The following SMIM38 variants were observed in gnomAD, a reference collection of about 807,000 sequenced individuals.
The protein encoded by SMIM38 is small integral membrane protein 38.
rs559913564 is a variant in SMIM38 at position 69,157,432 on chromosome 11, C to T, written c.-415C>T. On this transcript the variant is annotated 5_prime_UTR_variant, in exon 2 of 3. Coordinates refer to ENST00000686237, the MANE Select transcript of SMIM38 (RefSeq NM_001369201.2). ...CGGGGATGTTTGCAGATTACGTCAG[C>T]GCTGGCGAGCAGGGGGCGCGGGGAC... The T allele has an allele frequency of 3.5e-4, 56 of 159,732 alleles. No individual in the cohort carries two copies. In the South Asian group the frequency reaches 0.01, roughly 30 times the overall value. The allele number at this position is 159,732 out of a possible 1,614,324, so 9.9% of individuals were successfully genotyped here.
In SMIM38 at chr11:69,159,783, G is replaced by A. The variant is rs1298892730; in HGVS notation, c.*1687G>A. The stretch of plus-strand genomic sequence containing the variant: ...TCTCGCCTGATCGTAGGATTGTGGG[G>A]AGGGATATTCTCATTGATCTCTAAG... On this transcript the variant is annotated 3_prime_UTR_variant, in exon 3 of 3. Transcript: ENST00000686237. 3 of 152,178 alleles carry A rather than the reference G, an allele frequency of 2.0e-5. No homozygotes were observed. Among genetic ancestry groups the A allele is most frequent in the Non-Finnish European group, 4.4e-5 (3 of 68,040 alleles). 9.4% of individuals were successfully genotyped at this position (152,178 alleles called of 1,614,324 possible).
Position 69,159,245 on chromosome 11 carries a change from C to A in SMIM38, c.*1243C>A. On this transcript the variant is annotated 3_prime_UTR_variant, in exon 2 of 3. Transcript: ENST00000686237. ...AAGAGCAGGAGCTTAGATGGTGGTT[C>A]CAGGGCTGGTGTTGCTGACTGGGAC... 6.6e-6 allele frequency: 1 copy of A among 152,274 alleles called. No individual in the cohort carries two copies. Among genetic ancestry groups the A allele is most frequent in the Non-Finnish European group, 1.5e-5 (1 of 68,152 alleles). 9.4% of individuals were successfully genotyped at this position (152,274 alleles called of 1,614,324 possible).
rs1857008908 is a variant in SMIM38 at position 69,157,863 on chromosome 11, G to C, written c.17G>C (p.Gly6Ala). 1.0e-5 allele frequency: 4 copies of C among 398,780 alleles called. No homozygotes were observed. Among genetic ancestry groups the C allele is most frequent in the Non-Finnish European group, 1.8e-5 (4 of 226,286 alleles). 24.7% of individuals were successfully genotyped at this position (398,780 alleles called of 1,614,324 possible). The change falls in exon 2 of 3, where the codon GGT (glycine) becomes GCT (alanine). Residue 6 changes from glycine to alanine, a missense_variant. Coordinates refer to ENST00000686237, the MANE Select transcript of SMIM38 (RefSeq NM_001369201.2). MTSWP[G>A]GSFGPDPLLA... ...ACTTCAGGCATGACCTCCTGGCCAG[G>C]TGGCAGCTTTGGCCCTGACCCGCTC...
Position 69,158,187 on chromosome 11 carries a change from A to G in SMIM38, c.*185A>G, listed in dbSNP as rs1286948386. The G allele has an allele frequency of 2.5e-6, 1 of 392,666 alleles. No individual in the cohort carries two copies. Among genetic ancestry groups the G allele is most frequent in the African/African-American group, 2.1e-5 (1 of 48,642 alleles). 24.3% of individuals were successfully genotyped at this position (392,666 alleles called of 1,614,324 possible). Reference sequence around the variant, plus strand: ...CTGACCAGGGCTGTCCCGTAGAGGCAGCTGGCCATGTGGGGAGATGGAGGG... The same window carrying G: ...CTGACCAGGGCTGTCCCGTAGAGGCGGCTGGCCATGTGGGGAGATGGAGGG... On this transcript the variant is annotated 3_prime_UTR_variant, in exon 2 of 3. Transcript: ENST00000686237.
In SMIM38 at chr11:69,160,388, A is replaced by G. The variant is rs1218232822; in HGVS notation, c.*2292A>G. The G allele has an allele frequency of 3.3e-5, 5 of 152,118 alleles. No homozygotes were observed. The highest frequency in any genetic ancestry group is 7.2e-5 in the African/African-American group (3 of 41,404). 9.4% of individuals were successfully genotyped at this position (152,118 alleles called of 1,614,324 possible). On this transcript the variant is annotated 3_prime_UTR_variant, in exon 3 of 3. Coordinates refer to ENST00000686237, the MANE Select transcript of SMIM38 (RefSeq NM_001369201.2). ...TTTTTAGTAGAGATGGTGTTTCACT[A>G]TATTGGCCAGGCTGGTCTTGAACTC...
rs1465945167 is a variant in SMIM38, at chr11:69,160,140, A to T, written c.*2044A>T. On this transcript the variant is annotated 3_prime_UTR_variant, in exon 3 of 3. Coordinates refer to ENST00000686237, the MANE Select transcript of SMIM38 (RefSeq NM_001369201.2). The stretch of plus-strand genomic sequence containing the variant: ...AGGATGGCACCTACACACATACCTG[A>T]GGTCACCTCTTGGTCCAGTGAGCCA... 3 of 150,394 alleles carry T rather than the reference A, an allele frequency of 2.0e-5. No individual in the cohort carries two copies. Among genetic ancestry groups the T allele is most frequent in the South Asian group, 2.1e-4 (1 of 4,762 alleles). The allele number at this position is 150,394 out of a possible 1,614,324, so 9.3% of individuals were successfully genotyped here.
rs967041912 is a variant in SMIM38, at chr11:69,161,902, A to G, written c.*3806A>G. On this transcript the variant is annotated 3_prime_UTR_variant, in exon 3 of 3. Transcript: ENST00000686237. ...AGGTCATTAGGGTGAGCCCTAATCC[A>G]AAGGATGGGTGTCCTAATCAGAGGA... 3.9e-5 allele frequency: 6 copies of G among 152,188 alleles called. No individual in the cohort carries two copies. Among genetic ancestry groups the G allele is most frequent in the African/African-American group, 7.2e-5 (3 of 41,436 alleles). 9.4% of individuals were successfully genotyped at this position (152,188 alleles called of 1,614,324 possible). A position where few individuals can be genotyped will look rare whatever the true frequency, so the allele number is the denominator to read the frequency against.
chr11:69,156,219 A>G (rs1856984728), intron 1 of SMIM38, 105 bp downstream of exon 1: 1 of 152,374 alleles, frequency 6.6e-6, no homozygotes. Flanking sequence ...CTGGGAAGGA[A>G]CTGAAGAGCT....
chr11:69,156,586 G>A, intron 1 of SMIM38, among the ~76,000 whole-genome samples: 1 of 71,132 alleles, frequency 1.4e-5, no homozygotes, highest in East Asian at 4.4e-4. Flanking sequence ...GTATACATGT[G>A]TATGCGTGTG....
Position 69,158,077 on chromosome 11 carries a change from G to A in SMIM38, c.*75G>A, listed in dbSNP as rs1857013187. The stretch of plus-strand genomic sequence containing the variant: ...CCCTTCCAGTGGTGGTGGGAGGGAG[G>A]GGAGCAGGGCAGGCGCATGATCCCC... On this transcript the variant is annotated 3_prime_UTR_variant, in exon 2 of 3. Transcript: ENST00000686237. 5.0e-6 allele frequency: 2 copies of A among 398,428 alleles called. No homozygotes were observed. Among genetic ancestry groups the A allele is most frequent in the Admixed American group, 4.4e-5 (1 of 22,712 alleles). 24.7% of individuals were successfully genotyped at this position (398,428 alleles called of 1,614,324 possible).
chr11:69,161,616 T>C lies in SMIM38; in HGVS notation c.*3520T>C, dbSNP rs1480904813. On this transcript the variant is annotated 3_prime_UTR_variant, in exon 3 of 3. Transcript: ENST00000686237. ...AAGGCTGAGACAGACATGCTCCTTC[T>C]TAGAGACACATGGGAACATGCCTCT... 6.6e-6 allele frequency: 1 copy of C among 152,190 alleles called. No homozygotes were observed. The highest frequency in any genetic ancestry group is 1.5e-5 in the Non-Finnish European group (1 of 68,036). The allele number at this position is 152,190 out of a possible 1,614,324, so 9.4% of individuals were successfully genotyped here.
intron 1 of SMIM38, among the ~76,000 whole-genome samples, chr11:69,156,477 G>A (rs375586637): frequency 2.6e-5 from 4 of 152,178 alleles, no homozygotes; most frequent in South Asian, 4.1e-4. Context: ...ACAGAAACTC[G>A]GCTGTGAGAG....
In SMIM38 at chr11:69,161,998, C is replaced by G. The variant is rs780612617; in HGVS notation, c.*3902C>G. 6.6e-6 allele frequency: 1 copy of G among 152,138 alleles called. No homozygotes were observed. The highest frequency in any genetic ancestry group is 1.5e-5 in the Non-Finnish European group (1 of 68,028). 9.4% of individuals were successfully genotyped at this position (152,138 alleles called of 1,614,324 possible). On this transcript the variant is annotated 3_prime_UTR_variant, in exon 3 of 3. Transcript: ENST00000686237. ...GACACAGGGAGAAAATGGCCACGTA[C>G]AAGCCAAGATGAGAGGACTCAGGAA...
chr11:69,156,607 T>TGTGC (rs1042216608), intron 1 of SMIM38, among the ~76,000 whole-genome samples: 2 of 150,374 alleles, frequency 1.3e-5, no homozygotes, highest in Admixed American at 1.3e-4. Flanking sequence ...TGTGTGTGTG[T>TGTGC]GTGCGCGCGT....
chr11:69,158,234 C>T lies in SMIM38; in HGVS notation c.*232C>T, dbSNP rs1857015594. The T allele has an allele frequency of 2.7e-6, 1 of 372,606 alleles. No homozygotes were observed. The highest frequency in any genetic ancestry group is 1.5e-4 in the South Asian group (1 of 6,780). 23.1% of individuals were successfully genotyped at this position (372,606 alleles called of 1,614,324 possible). On this transcript the variant is annotated 3_prime_UTR_variant, in exon 2 of 3. Transcript: ENST00000686237. ...AGGGGCCGGCCTTGCAGGTCCATCA[C>T]CAGGTTCTGGGGTCCCCGGTTGCAG... is the stretch of plus-strand genomic sequence containing the variant.
chr11:69,159,966 G>A lies in SMIM38; in HGVS notation c.*1870G>A, dbSNP rs1332573360. 2.0e-5 allele frequency: 3 copies of A among 152,208 alleles called. No individual in the cohort carries two copies. Among genetic ancestry groups the A allele is most frequent in the Non-Finnish European group, 4.4e-5 (3 of 68,040 alleles). 9.4% of individuals were successfully genotyped at this position (152,208 alleles called of 1,614,324 possible). A position where few individuals can be genotyped will look rare whatever the true frequency, so the allele number is the denominator to read the frequency against. ...GGCTGTCTTGTTTTTAAAATGGAAA[G>A]TTCGATGTCCTGGAAAACCCCTCAG... On this transcript the variant is annotated 3_prime_UTR_variant, in exon 3 of 3. Coordinates refer to ENST00000686237, the MANE Select transcript of SMIM38 (RefSeq NM_001369201.2).
Position 69,158,251 on chromosome 11 carries a change from C to T in SMIM38, c.*249C>T, listed in dbSNP as rs114640927. 172 of 353,694 alleles carry T rather than the reference C, an allele frequency of 4.9e-4. No homozygotes were observed. Among genetic ancestry groups the T allele is most frequent in the African/African-American group, 2.9e-3 (138 of 47,788 alleles). The allele number at this position is 353,694 out of a possible 1,614,324, so 21.9% of individuals were successfully genotyped here. ...GTCCATCACCAGGTTCTGGGGTCCC[C>T]GGTTGCAGGGAGTGGTCCTGGGGGT... On this transcript the variant is annotated 3_prime_UTR_variant, in exon 2 of 3. Transcript: ENST00000686237.
chr11:69,156,521 A>C (rs1411334152), intron 1 of SMIM38, among the ~76,000 whole-genome samples: 2 of 152,082 alleles, frequency 1.3e-5, no homozygotes, highest in East Asian at 3.9e-4. Context: ...GAGCCTGTAG[A>C]GGTCAATGTG....
At position 69,158,019 on chromosome 11, in the gene SMIM38, G is replaced by C; in HGVS notation, c.*17G>C. ...CAGGACTAAGCCTCTGCAGGCTGCG[G>C]CCTCCACGCGCCCTGTCCCGAGACT... On this transcript the variant is annotated 3_prime_UTR_variant, in exon 2 of 3. Transcript: ENST00000686237. 2.5e-6 allele frequency: 1 copy of C among 398,840 alleles called. No individual in the cohort carries two copies. 24.7% of individuals were successfully genotyped at this position (398,840 alleles called of 1,614,324 possible). A position where few individuals can be genotyped will look rare whatever the true frequency, so the allele number is the denominator to read the frequency against.
Sources: gnomAD v4.1 joint callset for allele counts (sites outside exome capture counted in the v4.1 genomes callset) on GRCh38, gnomAD v4.1.1 for gene constraint, MANE v1.5 for transcripts, NCBI Gene and HGNC (gene_info 2026-07-23, HGNC 2026-07-21) for gene names.